Variants in PLPPR1 observed in about 807,000 individuals in gnomAD.
PLPPR1 encodes the protein phospholipid phosphatase related 1.
Under a neutral mutation model 33.1 loss-of-function variants are expected in PLPPR1, and 10 were observed. The ratio of observed to expected loss-of-function variants is 0.30; its 90% CI spans 0.19 to 0.51. The LOEUF is 0.51. PLPPR1 is among the 20% of genes least tolerant of loss of function. The pLI is 0.97. For missense variants in PLPPR1, 304 were observed against 408.1 expected (o/e 0.74, Z 2.20); for synonymous variants, 151 against 151.0 (o/e 1.00, Z 0.00).
At chr9:101,180,355 A>G (rs1390144563) in intron 1 of PLPPR1, among the ~76,000 whole-genome samples, 2 of 151,246 alleles carry the variant, frequency 1.3e-5, no homozygotes, top group African/African-American at 4.9e-5. Context: ...CCCTACCAAA[A>G]TTCCAATGTA....
intron 1 of PLPPR1, among the ~76,000 whole-genome samples, chr9:101,056,238 C>A (rs1830276663): frequency 6.6e-6 from 1 of 152,114 alleles, no homozygotes; most frequent in Non-Finnish European, 1.5e-5. Context: ...ACATCTGTGA[C>A]AGATGTAAGG....
At chr9:101,179,719 GT>G (rs1826070594) in intron 1 of PLPPR1, among the ~76,000 whole-genome samples, 1 of 152,014 alleles carries the variant, frequency 6.6e-6, no homozygotes, top group African/African-American at 2.4e-5. Flanking sequence ...ACTTGTGATG[GT>G]TAATACTGAG....
At chr9:101,095,143 C>G (rs1379018810) in intron 1 of PLPPR1, among the ~76,000 whole-genome samples, 1 of 152,192 alleles carries the variant, frequency 6.6e-6, no homozygotes, top group Non-Finnish European at 1.5e-5. Flanking sequence ...ACCATGTTTT[C>G]CAAGCTCAAT....
chr9:101,061,279 A>G (rs1335208264), intron 1 of PLPPR1, among the ~76,000 whole-genome samples: 1 of 151,930 alleles, frequency 6.6e-6, no homozygotes, highest in Non-Finnish European at 1.5e-5. Flanking sequence ...GCAAATTTCT[A>G]GGCAGTGTGA....
chr9:101,250,276 C>A (rs1241698875), intron 2 of PLPPR1, among the ~76,000 whole-genome samples: 1 of 152,022 alleles, frequency 6.6e-6, no homozygotes, highest in Non-Finnish European at 1.5e-5. Context: ...TCTTCTCTCA[C>A]CCTGTGGTTC....
intron 1 of PLPPR1, among the ~76,000 whole-genome samples, chr9:101,144,400 C>T (rs763060010): frequency 6.6e-6 from 1 of 152,078 alleles, no homozygotes; most frequent in South Asian, 2.1e-4. Flanking sequence ...TGCCCTAGAA[C>T]TTAAAGTATA....
At chr9:101,241,489 T>C (rs974705179) in intron 2 of PLPPR1, among the ~76,000 whole-genome samples, 2 of 152,100 alleles carry the variant, frequency 1.3e-5, no homozygotes, top group African/African-American at 4.8e-5. Flanking sequence ...TTGGGCCACA[T>C]TCAAAGCCGT....
At chr9:101,136,464 G>A (rs1220622925) in intron 1 of PLPPR1, among the ~76,000 whole-genome samples, 5 of 152,324 alleles carry the variant, frequency 3.3e-5, no homozygotes, top group African/African-American at 1.2e-4. Flanking sequence ...TGGTTTGTAT[G>A]ACAATGTCCT....
intron 1 of PLPPR1, among the ~76,000 whole-genome samples, chr9:101,183,409 T>C (rs1363952708): frequency 6.6e-6 from 1 of 151,184 alleles, no homozygotes; most frequent in Middle Eastern, 3.2e-3. Flanking sequence ...AAATAAGAGG[T>C]CGTGTATTAT....
intron 5 of PLPPR1, among the ~76,000 whole-genome samples, chr9:101,311,700 G>A (rs1192547034): frequency 6.6e-6 from 1 of 152,060 alleles, no homozygotes; most frequent in Non-Finnish European, 1.5e-5. Context: ...CAGTGTTGAG[G>A]TATCATTCTA....
intron 1 of PLPPR1, among the ~76,000 whole-genome samples, chr9:101,158,006 A>G (rs1831718831): frequency 6.6e-6 from 1 of 152,130 alleles, no homozygotes; most frequent in African/African-American, 2.4e-5. Context: ...TCTGTCTCAA[A>G]AGATAAAATA....
At chr9:101,144,258 G>A (rs1430996217) in intron 1 of PLPPR1, among the ~76,000 whole-genome samples, 1 of 151,958 alleles carries the variant, frequency 6.6e-6, no homozygotes, top group Non-Finnish European at 1.5e-5. Context: ...ACACACCGGG[G>A]CCTGTTGGGG....
At chr9:101,145,391 T>A (rs1831507457) in intron 1 of PLPPR1, among the ~76,000 whole-genome samples, 1 of 151,994 alleles carries the variant, frequency 6.6e-6, no homozygotes, top group Non-Finnish European at 1.5e-5. Context: ...TCTATACAAT[T>A]TTTTTTTGAG....
intron 1 of PLPPR1, among the ~76,000 whole-genome samples, chr9:101,043,350 T>C (rs1273558227): frequency 1.3e-5 from 2 of 151,658 alleles, no homozygotes; most frequent in Non-Finnish European, 2.9e-5. Context: ...CATATACATG[T>C]GTATGTGTAT....
intron 2 of PLPPR1, among the ~76,000 whole-genome samples, chr9:101,189,283 C>A (rs1364802509): frequency 6.6e-6 from 1 of 152,046 alleles, no homozygotes; most frequent in Non-Finnish European, 1.5e-5. Flanking sequence ...TTCTGATTGG[C>A]AATTTGTTGA....
intron 1 of PLPPR1, among the ~76,000 whole-genome samples, chr9:101,163,361 C>T (rs138096494): frequency 1.1e-4 from 17 of 152,284 alleles, no homozygotes; most frequent in African/African-American, 2.6e-4. Flanking sequence ...ACAGTACACA[C>T]ATCAAAAAAT....
At chr9:101,040,983 G>A (rs934228398) in intron 1 of PLPPR1, among the ~76,000 whole-genome samples, 1 of 152,166 alleles carries the variant, frequency 6.6e-6, no homozygotes, top group Non-Finnish European at 1.5e-5. Flanking sequence ...GGTCTGAAAC[G>A]CAGGAGAGCA....
intron 1 of PLPPR1, among the ~76,000 whole-genome samples, chr9:101,163,672 G>C (rs959987378): frequency 2.0e-5 from 3 of 152,098 alleles, no homozygotes; most frequent in Non-Finnish European, 2.9e-5. Context: ...TAGGTCACAA[G>C]CCAGCAAGTA....
chr9:101,054,260 G>A (rs946703235), intron 1 of PLPPR1, among the ~76,000 whole-genome samples: 5 of 152,146 alleles, frequency 3.3e-5, no homozygotes, highest in Admixed American at 2.0e-4. Flanking sequence ...AACTATTAAT[G>A]TGAATACTTT....
Sources: gnomAD v4.1 joint callset for allele counts (sites outside exome capture counted in the v4.1 genomes callset) on GRCh38, gnomAD v4.1.1 for gene constraint, MANE v1.5 for transcripts, NCBI Gene and HGNC (gene_info 2026-07-23, HGNC 2026-07-21) for gene names.